The following NEDD9 variants were observed in gnomAD, a reference collection of about 807,000 sequenced individuals.
NEDD9 encodes the protein enhancer of filamentation 1.
A neutral mutation model predicts 76.6 loss-of-function variants in NEDD9; 26 were observed. That is an observed-to-expected ratio of 0.34 (90% CI 0.25 to 0.47). The LOEUF (loss-of-function observed/expected upper bound fraction) is 0.47, where lower values mean the gene tolerates loss of function less well. Among genes scored for constraint, NEDD9 ranks in the 20% least tolerant of loss-of-function variants. The pLI is 1.00. For missense variants in NEDD9, 937 were observed against 1,058.5 expected, an observed-to-expected ratio of 0.89 and a Z score of 1.59; for synonymous variants, 392 against 414.2, an observed-to-expected ratio of 0.95 and a Z score of 0.65.
In NEDD9 at chr6:11,232,653, C is replaced by G; in HGVS notation, c.-138G>C. ...GCAGAGCCGCTTGTCAGTCGCAGCGCCTCCCTCAAGTCTCTGAGCTCACTG... is the reference window on the plus strand; with the variant it reads ...GCAGAGCCGCTTGTCAGTCGCAGCGGCTCCCTCAAGTCTCTGAGCTCACTG... On this transcript the variant is annotated 5_prime_UTR_variant, in exon 1 of 7. Coordinates refer to ENST00000379446, the MANE Select transcript of NEDD9 (RefSeq NM_006403.4). 6.4e-7 allele frequency: 1 copy of G among 1,552,550 alleles called. No individual in the cohort carries two copies. The highest frequency in any genetic ancestry group is 8.7e-7 in the Non-Finnish European group (1 of 1,152,480).
intron 1 of NEDD9, among the ~76,000 whole-genome samples, chr6:11,375,560 A>C (rs1303080062): frequency 1.3e-5 from 2 of 152,160 alleles, no homozygotes; most frequent in Non-Finnish European, 2.9e-5. Context: ...GTATTGGATT[A>C]TGGGGGCAGA....
intron 2 of NEDD9, chr6:11,200,436 TC>T: frequency 1.3e-6 from 1 of 748,202 alleles, no homozygotes; most frequent in Non-Finnish European, 1.8e-6. Context: ...AAATACAATG[TC>T]CCACATACAA....
At chr6:11,373,701 T>C (rs1197867210) in intron 1 of NEDD9, among the ~76,000 whole-genome samples, 2 of 152,240 alleles carry the variant, frequency 1.3e-5, no homozygotes, top group African/African-American at 4.8e-5. Context: ...CTGAGATGGT[T>C]AATTTTACGT....
Position 11,191,099 on chromosome 6 carries a change from G to A in NEDD9, c.770C>T (p.Pro257Leu), listed in dbSNP as rs781622312. The A allele has an allele frequency of 2.9e-5, 46 of 1,613,814 alleles. No individual in the cohort carries two copies. Among genetic ancestry groups the A allele is most frequent in the Admixed American group, 6.7e-5 (4 of 59,974 alleles). ...MRQAGRPDLR[P>L]EGVYDIPPTC... is the part of the protein sequence containing the mutation. ...TGGAGGAATGTCATAAACCCCCTCCGGTCTGAGGTCCGGCCTTCCAGCTTG... is the reference window on the plus strand; with the variant it reads ...TGGAGGAATGTCATAAACCCCCTCCAGTCTGAGGTCCGGCCTTCCAGCTTG... The change falls in exon 5 of 7, where the codon CCG becomes CTG. Residue 257 changes from proline to leucine, a missense_variant. Coordinates refer to ENST00000379446, the MANE Select transcript of NEDD9 (RefSeq NM_006403.4).
intron 1 of NEDD9, among the ~76,000 whole-genome samples, chr6:11,338,849 G>A (rs2113517928): frequency 6.6e-6 from 1 of 151,356 alleles, no homozygotes; most frequent in East Asian, 1.9e-4. Context: ...TTGAACCTGG[G>A]AGGCAGAAGT....
intron 2 of NEDD9, among the ~76,000 whole-genome samples, chr6:11,331,010 A>G (rs914725360): frequency 2.0e-5 from 3 of 152,224 alleles, no homozygotes; most frequent in African/African-American, 7.2e-5. Context: ...TCTAGAGAAG[A>G]AAGTCAGCAA....
chr6:11,266,357 A>G (rs933878849), intron 3 of NEDD9, among the ~76,000 whole-genome samples: 1 of 152,106 alleles, frequency 6.6e-6, no homozygotes, highest in African/African-American at 2.4e-5. Flanking sequence ...GGCATCTAGT[A>G]GCATCTGGGG....
At position 11,241,834 on chromosome 6, in the gene NEDD9, G is replaced by C. The variant is rs1759713887; in HGVS notation, c.13-28107C>G. Among the ~76,000 whole-genome samples, 1 of 152,204 alleles carries C rather than the reference G, an allele frequency of 6.6e-6. No homozygotes were observed. Among genetic ancestry groups the C allele is most frequent in the East Asian group, 1.9e-4 (1 of 5,186 alleles). The stretch of plus-strand genomic sequence containing the variant: ...CAATGTCCAGCAGGCCCCGGGCCCA[G>C]AGCCTCTGGCCTGTCCGGCCAGCCC... On this transcript the variant is annotated intron_variant, in intron 3 of 3. Coordinates refer to the NEDD9 transcript ENST00000397378. This position sits in a 1 kb window ranked among gnomAD's most constrained non-coding sequence, Gnocchi z 4.0.
chr6:11,252,965 T>C lies in NEDD9; in HGVS notation c.13-39238A>G, dbSNP rs1025729641. 1.3e-5 allele frequency among the ~76,000 whole-genome samples: 2 copies of C among 152,252 alleles called. No individual in the cohort carries two copies. Among genetic ancestry groups the C allele is most frequent in the Admixed American group, 1.3e-4 (2 of 15,292 alleles). On this transcript the variant is annotated intron_variant, in intron 3 of 3. Coordinates refer to the NEDD9 transcript ENST00000397378. The surrounding 1 kb of genome is among the most constrained non-coding windows in gnomAD (Gnocchi z 4.3). Reference sequence around the variant, plus strand: ...TTGGGCTTGTGCTAGATGTTTTTAATGCTTTCCTGGCAGTTGCCTAAGAAC... The same window carrying C: ...TTGGGCTTGTGCTAGATGTTTTTAACGCTTTCCTGGCAGTTGCCTAAGAAC...
At chr6:11,351,618 G>T (rs1030876497) in intron 1 of NEDD9, among the ~76,000 whole-genome samples, 2 of 152,122 alleles carry the variant, frequency 1.3e-5, no homozygotes, top group African/African-American at 2.4e-5. Flanking sequence ...AAGACACAAG[G>T]ACACAGAGGA....
chr6:11,189,253 GT>G (rs61312334), intron 5 of NEDD9, among the ~76,000 whole-genome samples: 4,801 of 152,246 alleles, frequency 0.032, 156 homozygotes, highest in East Asian at 0.1. Flanking sequence ...CCAGTAGAAT[GT>G]TTTAATCCCT....
chr6:11,381,447 A>T (rs1193775285), intron 1 of NEDD9, among the ~76,000 whole-genome samples: 4 of 152,264 alleles, frequency 2.6e-5, no homozygotes, highest in Admixed American at 1.3e-4. Flanking sequence ...TTTCAGCAAG[A>T]TAAAAAATTT....
chr6:11,327,206 C>A (rs554582298), intron 2 of NEDD9, among the ~76,000 whole-genome samples: 4 of 152,302 alleles, frequency 2.6e-5, no homozygotes, highest in South Asian at 4.1e-4. Flanking sequence ...AAGAAAGAGA[C>A]AATCGGACTA....
intron 3 of NEDD9, among the ~76,000 whole-genome samples, chr6:11,243,350 CATG>C (rs140014857): frequency 1.7e-3 from 254 of 152,320 alleles, no homozygotes; most frequent in African/African-American, 5.8e-3. Flanking sequence ...TGATGATGAT[CATG>C]ATGATAATTG....
At chr6:11,193,488 C>A in intron 3 of NEDD9, 103 bp downstream of exon 3, 1 of 761,180 alleles carries the variant, frequency 1.3e-6, no homozygotes, top group South Asian at 1.9e-5. Context: ...CTTCATATGA[C>A]ATATATTAAT....
Position 11,232,451 on chromosome 6 carries a change from C to G in NEDD9, c.12+53G>C, listed in dbSNP as rs2296567. 2.1e-5 allele frequency: 34 copies of G among 1,610,778 alleles called. No individual in the cohort carries two copies. In the East Asian group the frequency reaches 7.4e-4, roughly 35 times the overall value. ...GGAACACGCATACACAAGCACACACCCGCAGGCACAGCTTTCAGCTTGCAA... is the reference window on the plus strand; with the variant it reads ...GGAACACGCATACACAAGCACACACGCGCAGGCACAGCTTTCAGCTTGCAA... On this transcript the variant is annotated intron_variant, in intron 1 of 6. Transcript: ENST00000379446.
chr6:11,367,885 G>A (rs9348868), intron 1 of NEDD9, among the ~76,000 whole-genome samples: 1 of 152,082 alleles, frequency 6.6e-6, no homozygotes, highest in African/African-American at 2.4e-5. Flanking sequence ...AAATAAGTCC[G>A]GCAGAGCTAT....
At chr6:11,221,244 A>G (rs2113771840) in intron 1 of NEDD9, among the ~76,000 whole-genome samples, 2 of 152,178 alleles carry the variant, frequency 1.3e-5, no homozygotes, top group African/African-American at 4.8e-5. Context: ...TTAGCCAGGC[A>G]TGGAGGTGTG....
rs12174610 is a variant in NEDD9, at chr6:11,268,748, C to G, written c.12+37244G>C. On this transcript the variant is annotated intron_variant, in intron 3 of 3. Coordinates refer to the NEDD9 transcript ENST00000397378. ...CATCACACACACACACACACACAGACACACACACACACACACACACACAAC... is the reference window on the plus strand; with the variant it reads ...CATCACACACACACACACACACAGAGACACACACACACACACACACACAAC... 9.7e-5 allele frequency among the ~76,000 whole-genome samples: 14 copies of G among 143,760 alleles called. No individual in the cohort carries two copies. The East Asian group carries it at 3.1e-3, about 32-fold the overall frequency. 94.3% of individuals were successfully genotyped at this position (143,760 alleles called of 152,430 possible). A position where few individuals can be genotyped will look rare whatever the true frequency, so the allele number is the denominator to read the frequency against.
Sources: allele counts gnomAD v4.1 joint callset (sites outside exome capture counted in the v4.1 genomes callset), GRCh38; gene constraint gnomAD v4.1.1; non-coding constraint Gnocchi (gnomAD v3.1); transcripts MANE v1.5; gene names NCBI Gene and HGNC (gene_info 2026-07-23, HGNC 2026-07-21).